The following DBF4B variants were observed in gnomAD, a reference collection of about 807,000 sequenced individuals.
DBF4B encodes protein DBF4 homolog B.
DBF4B carries 49 observed loss-of-function variants against 53.4 expected under a neutral mutation model. The ratio of observed to expected loss-of-function variants is 0.92; its 90% CI spans 0.73 to 1.16. The LOEUF (loss-of-function observed/expected upper bound fraction) is 1.16. DBF4B is among the 50% of genes most tolerant of loss of function. The pLI is 0.00. For missense variants in DBF4B, 692 were observed against 775.0 expected (o/e 0.89, Z 1.27); for synonymous variants, 257 against 288.7 (o/e 0.89, Z 1.11).
intron 2 of DBF4B, among the ~76,000 whole-genome samples, chr17:44,715,877 C>T (rs1476570330): frequency 1.7e-5 from 2 of 117,994 alleles, no homozygotes; most frequent in Non-Finnish European, 1.6e-5. Context: ...GGCTGGAGTG[C>T]AATGGCGCGA....
chr17:44,747,213 C>T, intron 11 of DBF4B, 22 bp downstream of exon 11: 1 of 1,611,896 alleles, frequency 6.2e-7, no homozygotes, highest in Non-Finnish European at 8.5e-7. Flanking sequence ...CCCCATTAAG[C>T]AGCTGCTCCC....
At chr17:44,719,697 C>T (rs1973654526) in intron 2 of DBF4B, 1 of 158,408 alleles carries the variant, frequency 6.3e-6, no homozygotes, top group Non-Finnish European at 1.4e-5. Flanking sequence ...ATCAAATGGA[C>T]ATATGAGTTT....
chr17:44,721,330 TG>T (rs1444887132), intron 2 of DBF4B, among the ~76,000 whole-genome samples: 1 of 151,058 alleles, frequency 6.6e-6, no homozygotes, highest in Non-Finnish European at 1.5e-5. Flanking sequence ...GCAATTCTTG[TG>T]CCTCAGCCAC....
chr17:44,724,613 T>C (rs1974132732), intron 3 of DBF4B, among the ~76,000 whole-genome samples: 1 of 152,170 alleles, frequency 6.6e-6, no homozygotes, highest in Non-Finnish European at 1.5e-5. Context: ...TCTCCTGACC[T>C]CGTGATCCTC....
intron 2 of DBF4B, among the ~76,000 whole-genome samples, chr17:44,711,920 G>A (rs1235007884): frequency 1.3e-5 from 2 of 149,516 alleles, no homozygotes; most frequent in East Asian, 4.0e-4. Flanking sequence ...GGGCGACAGA[G>A]CAAGACTCTG....
intron 2 of DBF4B, among the ~76,000 whole-genome samples, chr17:44,716,416 A>T (rs1030566753): frequency 2.0e-5 from 3 of 152,126 alleles, no homozygotes; most frequent in Admixed American, 6.6e-5. Flanking sequence ...TGTTCAGTAT[A>T]CAGATATTCT....
chr17:44,750,123 C>T, intron 13 of DBF4B: 1 of 996,806 alleles, frequency 1.0e-6, no homozygotes, highest in Non-Finnish European at 1.2e-6. Context: ...CAGTGTGTCA[C>T]CTGCCAACTT....
At chr17:44,722,405 G>A (rs1973931034) in intron 2 of DBF4B, among the ~76,000 whole-genome samples, 1 of 152,158 alleles carries the variant, frequency 6.6e-6, no homozygotes, top group African/African-American at 2.4e-5. Flanking sequence ...TTCGCCCTAA[G>A]CTAGGCGGCA....
intron 7 of DBF4B, among the ~76,000 whole-genome samples, chr17:44,734,852 C>T (rs1277989096): frequency 6.6e-6 from 1 of 152,204 alleles, no homozygotes; most frequent in Admixed American, 6.5e-5. Context: ...ACCTGTAATT[C>T]CAGCACTTTG....
intron 8 of DBF4B, 42 bp from the exon 9 acceptor site, chr17:44,738,337 G>T (rs1196523351): frequency 1.2e-6 from 2 of 1,603,854 alleles, no homozygotes; most frequent in Admixed American, 3.4e-5. Context: ...GCCCTGCACA[G>T]GGGCAGACAG....
At position 44,747,684 on chromosome 17, in the gene DBF4B, A is replaced by G. The variant is rs186077709; in HGVS notation, c.1064+169A>G. Among the ~76,000 whole-genome samples, 94 of 152,188 alleles carry G rather than the reference A, an allele frequency of 6.2e-4. 1 individual carries two copies. The Middle Eastern group carries it at 0.014, about 22-fold the overall frequency. On this transcript the variant is annotated intron_variant, in intron 12 of 13. Transcript: ENST00000315005. Reference sequence around the variant, plus strand: ...GTCCTGTTTGTTTTGGGGCTGGCCAAAAAAAATAAAAAGACCTCCATTTGT... The same window carrying G: ...GTCCTGTTTGTTTTGGGGCTGGCCAGAAAAAATAAAAAGACCTCCATTTGT...
intron 5 of DBF4B, chr17:44,731,448 G>A (rs990485479): frequency 9.9e-6 from 2 of 202,968 alleles, no homozygotes; most frequent in Non-Finnish European, 2.0e-5. Context: ...CATCTCTACC[G>A]AAAAATTAGC....
At position 44,750,154 on chromosome 17, in the gene DBF4B, G is replaced by A. The variant is rs756667581; in HGVS notation, c.1190-441G>A. 41 of 994,378 alleles carry A rather than the reference G, an allele frequency of 4.1e-5. No homozygotes were observed. The African/African-American group carries it at 6.5e-4, about 16-fold the overall frequency. 61.6% of individuals were successfully genotyped at this position (994,378 alleles called of 1,614,324 possible). A position where few individuals can be genotyped will look rare whatever the true frequency, so the allele number is the denominator to read the frequency against. The stretch of plus-strand genomic sequence containing the variant: ...AACTTCCACATCACCCTCCTCCCTC[G>A]CTCCCTCCTCTCCTTCCCCAAGGAC... On this transcript the variant is annotated intron_variant, in intron 13 of 13. Transcript: ENST00000315005.
intron 12 of DBF4B, among the ~76,000 whole-genome samples, chr17:44,748,085 A>G (rs2049155186): frequency 6.6e-6 from 1 of 152,330 alleles, no homozygotes; most frequent in Middle Eastern, 3.4e-3. Flanking sequence ...CTGTGAAGTC[A>G]TGAAATGGAA....
At chr17:44,747,741 A>G (rs569413088) in intron 12 of DBF4B, among the ~76,000 whole-genome samples, 1 of 152,330 alleles carries the variant, frequency 6.6e-6, no homozygotes, top group South Asian at 2.1e-4. Context: ...GACCCAGACT[A>G]CACTGTGGCT....
intron 8 of DBF4B, among the ~76,000 whole-genome samples, chr17:44,737,876 A>G (rs758224396): frequency 5.3e-5 from 8 of 152,126 alleles, no homozygotes; most frequent in Non-Finnish European, 1.2e-4. Context: ...CTTCCCCTCC[A>G]AAAAACCCAG....
chr17:44,734,415 G>C (rs1325962209), intron 7 of DBF4B, among the ~76,000 whole-genome samples: 3 of 152,186 alleles, frequency 2.0e-5, no homozygotes, highest in Non-Finnish European at 4.4e-5. Context: ...GGCCTGGACT[G>C]CCTGGGCCAT....
chr17:44,742,897 G>C (rs191638210), intron 10 of DBF4B, among the ~76,000 whole-genome samples: 83 of 152,316 alleles, frequency 5.4e-4, no homozygotes, highest in Non-Finnish European at 8.7e-4. Flanking sequence ...CCTCTGGGCT[G>C]TGGGGTTATA....
intron 6 of DBF4B, among the ~76,000 whole-genome samples, chr17:44,733,184 C>A (rs1278716617): frequency 1.4e-5 from 2 of 144,954 alleles, no homozygotes; most frequent in Non-Finnish European, 3.0e-5. Context: ...AAAAAAAATT[C>A]ATGGCCACCT....
Sources: gnomAD v4.1 joint callset for allele counts (sites outside exome capture counted in the v4.1 genomes callset) on GRCh38, gnomAD v4.1.1 for gene constraint, MANE v1.5 for transcripts, NCBI Gene and HGNC (gene_info 2026-07-23, HGNC 2026-07-21) for gene names.